The following PCDH9 variants were observed in gnomAD, a reference collection of about 807,000 sequenced individuals.
PCDH9 encodes the protein protocadherin 9.
PCDH9 carries 24 observed loss-of-function variants against 70.6 expected under a neutral mutation model. The ratio of observed to expected loss-of-function variants is 0.34; its 90% CI spans 0.25 to 0.48. PCDH9 has a LOEUF of 0.48. PCDH9 is among the 20% of genes least tolerant of loss of function. PCDH9 has a pLI of 0.99. For synonymous variants in PCDH9, 562 were observed against 558.5 expected, an observed-to-expected ratio of 1.01 and a Z score of -0.09; for missense variants, 1,281 against 1,503.6, an observed-to-expected ratio of 0.85 and a Z score of 2.45.
rs1186181243 is a variant in PCDH9 at position 67,154,603 on chromosome 13, T to TAC, written c.3036+70801_3036+70802insGT. On this transcript the variant is annotated intron_variant, in intron 2 of 4. Coordinates refer to ENST00000377865, the MANE Select transcript of PCDH9 (RefSeq NM_203487.3). ...AAAAAAAAAAAAAAAAAAATATATA[T>TAC]ATACACACACACACACACACACACA... Among the ~76,000 whole-genome samples the TAC allele has an allele frequency of 2.1e-3, 182 of 84,770 alleles. 3 individuals carry two copies. The highest frequency in any genetic ancestry group is 8.4e-3 in the African/African-American group (170 of 20,346). The allele number at this position is 84,770 out of a possible 152,430, so 55.6% of individuals were successfully genotyped here.
intron 2 of PCDH9, among the ~76,000 whole-genome samples, chr13:67,135,476 T>A (rs2087212136): frequency 1.3e-5 from 2 of 152,148 alleles, no homozygotes; most frequent in Admixed American, 1.3e-4. Context: ...TTCTCCTTTT[T>A]AATATTCCTC....
intron 2 of PCDH9, among the ~76,000 whole-genome samples, chr13:67,072,235 C>T (rs943973668): frequency 2.6e-5 from 4 of 152,076 alleles, no homozygotes; most frequent in Non-Finnish European, 5.9e-5. Flanking sequence ...ACCATTTCCC[C>T]CTGAGGCCAC....
At chr13:67,043,332 G>T (rs2085159181) in intron 2 of PCDH9, among the ~76,000 whole-genome samples, 1 of 152,134 alleles carries the variant, frequency 6.6e-6, no homozygotes, top group African/African-American at 2.4e-5. Flanking sequence ...CATGAAGCAA[G>T]CCAGTTGAAG....
chr13:66,955,113 A>G (rs2083247255), intron 2 of PCDH9, among the ~76,000 whole-genome samples: 1 of 152,198 alleles, frequency 6.6e-6, no homozygotes, highest in Non-Finnish European at 1.5e-5. Flanking sequence ...AGAGCATGTT[A>G]TTGACTATTC....
chr13:66,345,162 C>T (rs1956193703), intron 4 of PCDH9, among the ~76,000 whole-genome samples: 1 of 152,116 alleles, frequency 6.6e-6, no homozygotes, highest in African/African-American at 2.4e-5. Context: ...GCTAGTAGGG[C>T]AGTGTTCCTT....
intron 3 of PCDH9, among the ~76,000 whole-genome samples, chr13:66,809,016 C>T (rs887573320): frequency 6.6e-6 from 1 of 152,154 alleles, no homozygotes. Flanking sequence ...GGCGCTATCT[C>T]GGCTCACTGC....
chr13:66,502,438 G>T (rs1322087918), intron 4 of PCDH9, among the ~76,000 whole-genome samples: 1 of 151,922 alleles, frequency 6.6e-6, no homozygotes, highest in Non-Finnish European at 1.5e-5. Context: ...TTTTCTTAAA[G>T]TTCATTTTAT....
chr13:66,458,208 T>C (rs930609587), intron 4 of PCDH9, among the ~76,000 whole-genome samples: 7 of 152,010 alleles, frequency 4.6e-5, no homozygotes, highest in African/African-American at 1.7e-4. Context: ...TTATTTTTGT[T>C]GAAACTTGCA....
chr13:66,488,379 G>C (rs1958980121), intron 4 of PCDH9, among the ~76,000 whole-genome samples: 1 of 152,132 alleles, frequency 6.6e-6, no homozygotes, highest in South Asian at 2.1e-4. Context: ...TAAAGGGATG[G>C]TTCCAGTTGA....
chr13:66,681,991 T>G (rs991990853), intron 3 of PCDH9, among the ~76,000 whole-genome samples: 3 of 131,892 alleles, frequency 2.3e-5, no homozygotes, highest in African/African-American at 9.0e-5. Flanking sequence ...GGTTTTTGTT[T>G]TGTTTGTTTT....
chr13:66,640,556 C>A (rs2077695693), intron 3 of PCDH9, among the ~76,000 whole-genome samples: 1 of 145,830 alleles, frequency 6.9e-6, no homozygotes, highest in Admixed American at 7.0e-5. Flanking sequence ...CACACACACA[C>A]ACACATCCAA....
At chr13:66,918,225 G>A (rs1427394519) in intron 2 of PCDH9, among the ~76,000 whole-genome samples, 2 of 151,174 alleles carry the variant, frequency 1.3e-5, no homozygotes, top group Non-Finnish European at 3.0e-5. Context: ...AGAGAGAGGG[G>A]AGAGGAAGAG....
At chr13:66,453,884 T>A (rs542523108) in intron 4 of PCDH9, among the ~76,000 whole-genome samples, 6 of 152,312 alleles carry the variant, frequency 3.9e-5, no homozygotes, top group Non-Finnish European at 8.8e-5. Flanking sequence ...TTATTAAAGT[T>A]CACTTTCTTA....
intron 4 of PCDH9, among the ~76,000 whole-genome samples, chr13:66,343,916 A>G (rs570508067): frequency 5.0e-4 from 76 of 152,200 alleles, no homozygotes; most frequent in Middle Eastern, 3.4e-3. Context: ...AATCATCTCA[A>G]TTTTGCCTAA....
intron 3 of PCDH9, among the ~76,000 whole-genome samples, chr13:66,703,911 T>C (rs1166667219): frequency 6.6e-6 from 1 of 150,816 alleles, no homozygotes; most frequent in Admixed American, 6.6e-5. Context: ...AATTAAAAAT[T>C]AAAAAAAAAT....
chr13:66,607,486 T>C (rs953253535), intron 4 of PCDH9, among the ~76,000 whole-genome samples: 3 of 152,024 alleles, frequency 2.0e-5, no homozygotes, highest in African/African-American at 7.2e-5. Flanking sequence ...CCCTACAATA[T>C]GAACTACTCA....
Position 66,303,678 on chromosome 13 carries a change from A to G in PCDH9, c.*977T>C, listed in dbSNP as rs1235668247. 2.0e-5 allele frequency: 3 copies of G among 152,508 alleles called. No individual in the cohort carries two copies. In the South Asian group the frequency reaches 6.2e-4, roughly 32 times the overall value. The allele number at this position is 152,508 out of a possible 1,614,324, so 9.4% of individuals were successfully genotyped here. The stretch of plus-strand genomic sequence containing the variant: ...ACATGAGTGACAAGTACAGGATATT[A>G]TATCACTTTTGATGGATAACAGTTT... On this transcript the variant is annotated 3_prime_UTR_variant, in exon 5 of 5. Transcript: ENST00000377865.
chr13:67,068,123 C>T (rs537381749), intron 2 of PCDH9, among the ~76,000 whole-genome samples: 20 of 152,090 alleles, frequency 1.3e-4, no homozygotes, highest in African/African-American at 4.8e-4. Flanking sequence ...AGGGTAAAAT[C>T]ATAAGCAATA....
intron 4 of PCDH9, among the ~76,000 whole-genome samples, chr13:66,344,195 T>C (rs973849666): frequency 6.6e-6 from 1 of 152,108 alleles, no homozygotes; most frequent in African/African-American, 2.4e-5. Context: ...CAGGCTAGAG[T>C]GCAGTGGCAC....
Sources: allele counts gnomAD v4.1 joint callset (sites outside exome capture counted in the v4.1 genomes callset), GRCh38; gene constraint gnomAD v4.1.1; transcripts MANE v1.5; gene names NCBI Gene and HGNC (gene_info 2026-07-23, HGNC 2026-07-21).